Variants in CCDC134 observed in about 807,000 individuals in gnomAD.
CCDC134 encodes coiled-coil domain containing 134.
A neutral mutation model predicts 25.6 loss-of-function variants in CCDC134; 27 were observed. The observed-to-expected ratio is 1.05, with a 90% CI of 0.78 to 1.45. The LOEUF is 1.45. Ranked by LOEUF, CCDC134 falls within the 40% of genes most tolerant of loss-of-function variation. The probability of loss-of-function intolerance (pLI) is 0.00; values close to 1 mark genes in which losing one functional copy is unlikely to be tolerated. For synonymous variants in CCDC134, 110 were observed against 115.0 expected, an observed-to-expected ratio of 0.96 and a Z score of 0.28; for missense variants, 261 against 286.7, an observed-to-expected ratio of 0.91 and a Z score of 0.65.
chr22:41,822,101 T>G (rs1569358702), intron 6 of CCDC134, among the ~76,000 whole-genome samples: 1 of 152,042 alleles, frequency 6.6e-6, no homozygotes, highest in Non-Finnish European at 1.5e-5. Context: ...AGTGGCATGC[T>G]TGAGGCTATG....
rs1006743277 is a variant in CCDC134 at position 41,825,357 on chromosome 22, G to A, written c.565-341G>A. On this transcript the variant is annotated intron_variant, in intron 6 of 6. Transcript: ENST00000255784. This position sits in a 1 kb window ranked among gnomAD's most constrained non-coding sequence, Gnocchi z 4.4. The stretch of plus-strand genomic sequence containing the variant: ...CCTCTCCTCCTGAAGGGTGCAGCAG[G>A]TGTGGGGCTCCCGGGTCTGTGGTGG... Among the ~76,000 whole-genome samples, 2 of 151,870 alleles carry A rather than the reference G, an allele frequency of 1.3e-5. No homozygotes were observed. The highest frequency in any genetic ancestry group is 2.4e-5 in the African/African-American group (1 of 41,316).
chr22:41,815,204 C>CTTTTTT (rs869174312), intron 6 of CCDC134, among the ~76,000 whole-genome samples: 144 of 122,074 alleles, frequency 1.2e-3, no homozygotes, highest in African/African-American at 3.2e-3. Context: ...CTTTTCTTTT[C>CTTTTTT]TTTTTTTTTT....
chr22:41,816,932 C>A (rs4822053), intron 6 of CCDC134, among the ~76,000 whole-genome samples: 54,332 of 151,796 alleles, frequency 0.36, 11,963 homozygotes, highest in African/African-American at 0.59. Flanking sequence ...CAAAACAAAA[C>A]AAAAAGCATA....
chr22:41,823,731 C>T (rs956942541), intron 6 of CCDC134, among the ~76,000 whole-genome samples: 1 of 152,224 alleles, frequency 6.6e-6, no homozygotes, highest in Non-Finnish European at 1.5e-5. Flanking sequence ...TCACAGGGCA[C>T]ACTCACACAT....
rs770132897 is a variant in CCDC134, at chr22:41,825,687, C to T, written c.565-11C>T. The T allele has an allele frequency of 3.1e-6, 5 of 1,614,006 alleles. No homozygotes were observed. Among genetic ancestry groups the T allele is most frequent in the East Asian group, 2.2e-5 (1 of 44,878 alleles). On this transcript the variant is annotated splice_polypyrimidine_tract_variant and intron_variant, in intron 6 of 6. Coordinates refer to ENST00000255784, the MANE Select transcript of CCDC134 (RefSeq NM_024821.5). The surrounding 1 kb of genome is among the most constrained non-coding windows in gnomAD (Gnocchi z 4.4). ...ACAGACTAAATCAGACTGCTCTTCT[C>T]TTCCCTTCAGTTCATTCCCAGCACT...
intron 1 of CCDC134, among the ~76,000 whole-genome samples, chr22:41,804,887 T>C (rs1223734991): frequency 6.6e-6 from 1 of 152,136 alleles, no homozygotes; most frequent in Admixed American, 6.5e-5. Context: ...CTGGCCAACA[T>C]GGTGAAACGC....
chr22:41,803,882 A>G (rs1219921757), intron 1 of CCDC134, among the ~76,000 whole-genome samples: 1 of 152,178 alleles, frequency 6.6e-6, no homozygotes. Flanking sequence ...CTGTAATCCC[A>G]GCACTTTGGG....
intron 3 of CCDC134, 92 bp from the exon 4 acceptor site, chr22:41,810,115 G>T (rs1023734565): frequency 7.5e-6 from 12 of 1,590,160 alleles, no homozygotes; most frequent in Non-Finnish European, 9.5e-6. Flanking sequence ...CTGCGCACAC[G>T]TAAGACTTGA....
At chr22:41,815,204 C>CTTT (rs869174312) in intron 6 of CCDC134, among the ~76,000 whole-genome samples, 14 of 122,134 alleles carry the variant, frequency 1.1e-4, no homozygotes, top group African/African-American at 3.1e-4. Flanking sequence ...CTTTTCTTTT[C>CTTT]TTTTTTTTTT....
At chr22:41,808,837 T>C in intron 1 of CCDC134, 38 bp from the exon 2 acceptor site, 1 of 1,486,070 alleles carries the variant, frequency 6.7e-7, no homozygotes, top group Non-Finnish European at 9.4e-7. Flanking sequence ...AACACCGATC[T>C]CTGAGTCTCA....
rs764059828 is a variant in CCDC134, at chr22:41,813,333, A to C, written c.380A>C (p.His127Pro). 34 of 1,614,192 alleles carry C rather than the reference A, an allele frequency of 2.1e-5. No individual in the cohort carries two copies. The highest frequency in any genetic ancestry group is 2.8e-5 in the Non-Finnish European group (33 of 1,180,044). The change falls in exon 5 of 7, where the codon CAC becomes CCC. Residue 127 changes from histidine to proline, a missense_variant. By Grantham distance (77) the His-to-Pro change is moderately conservative. Transcript: ENST00000255784. ...DVVLRFPRIV[H>P]YYFDHNSNWN... ...GTGCTGCGCTTCCCGAGGATTGTGC[A>C]CTATTACTTTGACCACAACTCCAAC...
At chr22:41,824,773 G>T (rs1016496554) in intron 6 of CCDC134, among the ~76,000 whole-genome samples, 1 of 152,046 alleles carries the variant, frequency 6.6e-6, no homozygotes. Flanking sequence ...AAGAAGAAAA[G>T]AAAAGAAAAG....
At chr22:41,801,314 A>G (rs949215391) in intron 1 of CCDC134, among the ~76,000 whole-genome samples, 6 of 151,834 alleles carry the variant, frequency 4.0e-5, no homozygotes, top group Non-Finnish European at 7.4e-5. Context: ...GCTTGGGGGT[A>G]GGGGGTTCTC....
At chr22:41,815,678 G>C (rs1295583235) in intron 6 of CCDC134, among the ~76,000 whole-genome samples, 1 of 151,652 alleles carries the variant, frequency 6.6e-6, no homozygotes, top group Non-Finnish European at 1.5e-5. Context: ...TTATAGACAG[G>C]GTCTTGCTCT....
In CCDC134 at chr22:41,829,702, C is replaced by T. The variant is rs1263066004; in HGVS notation, c.*3879C>T. On this transcript the variant is annotated 3_prime_UTR_variant, in exon 7 of 7. Coordinates refer to ENST00000255784, the MANE Select transcript of CCDC134 (RefSeq NM_024821.5). ...AAATTATCTTCTGTGACCCGTAGCA[C>T]ATGCCCAATCCATGGTAGATATCGA... Among the ~76,000 whole-genome samples the T allele has an allele frequency of 6.6e-6, 1 of 152,226 alleles. No individual in the cohort carries two copies. Among genetic ancestry groups the T allele is most frequent in the Non-Finnish European group, 1.5e-5 (1 of 68,040 alleles).
At chr22:41,803,827 C>T (rs1222672811) in intron 1 of CCDC134, among the ~76,000 whole-genome samples, 1 of 151,986 alleles carries the variant, frequency 6.6e-6, no homozygotes, top group East Asian at 1.9e-4. Flanking sequence ...GTGATAATCT[C>T]AGTTTGCATA....
At chr22:41,802,097 G>A (rs997632617) in intron 1 of CCDC134, among the ~76,000 whole-genome samples, 7 of 152,030 alleles carry the variant, frequency 4.6e-5, no homozygotes, top group African/African-American at 1.7e-4. Context: ...TTGTGATCTT[G>A]TTATCAGTCA....
intron 1 of CCDC134, among the ~76,000 whole-genome samples, chr22:41,807,163 C>G (rs1413745230): frequency 1.3e-5 from 2 of 152,146 alleles, no homozygotes; most frequent in African/African-American, 4.8e-5. Context: ...TCAAGAAAAG[C>G]CCGAAGTACA....
At chr22:41,808,438 A>G (rs1041177148) in intron 1 of CCDC134, among the ~76,000 whole-genome samples, 1 of 152,022 alleles carries the variant, frequency 6.6e-6, no homozygotes, top group Non-Finnish European at 1.5e-5. Flanking sequence ...TGTGGAAGGA[A>G]TACTGTTGAC....
Sources: gnomAD v4.1 joint callset for allele counts (sites outside exome capture counted in the v4.1 genomes callset) on GRCh38, gnomAD v4.1.1 for gene constraint, Gnocchi (gnomAD v3.1) non-coding constraint, MANE v1.5 for transcripts, NCBI Gene and HGNC (gene_info 2026-07-23, HGNC 2026-07-21) for gene names.